The following TNFSF4 variants were observed in gnomAD, a reference collection of about 807,000 sequenced individuals.
The protein encoded by TNFSF4 is tumor necrosis factor ligand superfamily member 4.
Under a neutral mutation model 7.3 loss-of-function variants are expected in TNFSF4, and 4 were observed. The ratio of observed to expected loss-of-function variants is 0.55; its 90% CI spans 0.27 to 1.25. The LOEUF is 1.25. TNFSF4 is among the 50% of genes most tolerant of loss of function. The pLI is 0.12. For synonymous variants in TNFSF4, 76 were observed against 83.7 expected (o/e 0.91, Z 0.50); for missense variants, 181 against 208.8 (o/e 0.87, Z 0.82).
chr1:173,265,967 A>G, the TNFSF4 span, among the ~76,000 whole-genome samples: 1 of 152,206 alleles, frequency 6.6e-6, no homozygotes, highest in Non-Finnish European at 1.5e-5. Flanking sequence ...CTTAATGCTT[A>G]TGGAGTGATA....
chr1:173,210,728 G>GT (rs1172947611), upstream of TNFSF4, among the ~76,000 whole-genome samples: 1 of 152,022 alleles, frequency 6.6e-6, no homozygotes, highest in East Asian at 1.9e-4. Context: ...ATAATTCTAG[G>GT]GGGGGGAAAA....
At chr1:173,177,142 T>G in the TNFSF4 span, among the ~76,000 whole-genome samples, 2 of 152,062 alleles carry the variant, frequency 1.3e-5, no homozygotes, top group African/African-American at 4.8e-5. Context: ...TAAAAATGGT[T>G]GAAAAGGTAA....
chr1:173,216,772 AAAAC>A, the TNFSF4 span, among the ~76,000 whole-genome samples: 11 of 152,302 alleles, frequency 7.2e-5, no homozygotes, highest in East Asian at 3.9e-4. Context: ...ACACACATGA[AAAAC>A]AAACAAACAA....
chr1:173,413,184 G>A, the TNFSF4 span, among the ~76,000 whole-genome samples: 4 of 152,182 alleles, frequency 2.6e-5, no homozygotes, highest in African/African-American at 9.7e-5. Context: ...TTAGCAAGTG[G>A]AGCTGGAAAA....
the TNFSF4 span, among the ~76,000 whole-genome samples, chr1:173,250,559 A>G: frequency 2.0e-5 from 3 of 151,206 alleles, no homozygotes. Context: ...TCCCGGGTTC[A>G]CGCCATTCTC....
chr1:173,191,167 G>A (rs1367842010), intron 1 of TNFSF4, among the ~76,000 whole-genome samples: 2 of 152,118 alleles, frequency 1.3e-5, no homozygotes, highest in East Asian at 3.9e-4. Context: ...AGTAAGGGTG[G>A]CAGTGACCAA....
chr1:173,382,874 T>TCACACACACACA, the TNFSF4 span, among the ~76,000 whole-genome samples: 3 of 91,206 alleles, frequency 3.3e-5, no homozygotes, highest in East Asian at 6.5e-4. Context: ...TTTACTGTTT[T>TCACACACACACA]CACACACACA....
At chr1:173,383,685 AT>A in the TNFSF4 span, among the ~76,000 whole-genome samples, 6,795 of 151,032 alleles carry the variant, frequency 0.045, 535 homozygotes, top group African/African-American at 0.15. Context: ...CATACTGTAG[AT>A]TTTTTTTTTC....
the TNFSF4 span, among the ~76,000 whole-genome samples, chr1:173,281,061 G>C: frequency 6.6e-6 from 1 of 151,950 alleles, no homozygotes; most frequent in African/African-American, 2.4e-5. Flanking sequence ...AAAAAAATGG[G>C]GAAATATTTT....
chr1:173,181,009 T>C (rs1250337865), downstream of TNFSF4, among the ~76,000 whole-genome samples: 1 of 152,204 alleles, frequency 6.6e-6, no homozygotes, highest in Admixed American at 6.5e-5. Flanking sequence ...GATGGTTTTA[T>C]AATAGTAAGT....
At chr1:173,182,944 T>C (rs923091428), downstream of TNFSF4, among the ~76,000 whole-genome samples, 1 of 152,198 alleles carries the variant, frequency 6.6e-6, no homozygotes, top group African/African-American at 2.4e-5. Flanking sequence ...TTTGGGAAGG[T>C]TGCTGCCATG....
At chr1:173,205,622 C>T in intron 1 of TNFSF4, 2 of 1,103,494 alleles carry the variant, frequency 1.8e-6, no homozygotes, top group Non-Finnish European at 2.2e-6. Context: ...TCTCAGGGCT[C>T]CCAGACTGGT....
the TNFSF4 span, among the ~76,000 whole-genome samples, chr1:173,285,642 G>T: frequency 6.6e-6 from 1 of 152,278 alleles, no homozygotes; most frequent in East Asian, 1.9e-4. Flanking sequence ...TCAGTCAGTA[G>T]CCATCAACAT....
the TNFSF4 span, among the ~76,000 whole-genome samples, chr1:173,403,407 C>T: frequency 1.3e-5 from 2 of 152,166 alleles, no homozygotes; most frequent in African/African-American, 2.4e-5. Flanking sequence ...TAAAGGAGTT[C>T]GCCAATGTAA....
chr1:173,232,386 T>C, the TNFSF4 span, among the ~76,000 whole-genome samples: 13 of 152,224 alleles, frequency 8.5e-5, no homozygotes, highest in Non-Finnish European at 1.5e-4. Context: ...AATGGGATTT[T>C]CTAAATATAC....
At chr1:173,255,571 G>A in the TNFSF4 span, among the ~76,000 whole-genome samples, 1 of 152,118 alleles carries the variant, frequency 6.6e-6, no homozygotes, top group African/African-American at 2.4e-5. Flanking sequence ...CTTATTCTTA[G>A]CAAACAGAGT....
the TNFSF4 span, among the ~76,000 whole-genome samples, chr1:173,353,443 GTGTGTGCATGCTCC>G: frequency 6.6e-6 from 1 of 152,172 alleles, no homozygotes. Flanking sequence ...ATGTGCCTGT[GTGTGTGCATGCTCC>G]TGTGTGCGTG....
intron 1 of TNFSF4, among the ~76,000 whole-genome samples, chr1:173,190,358 T>A (rs1189519846): frequency 2.0e-5 from 3 of 152,202 alleles, no homozygotes; most frequent in African/African-American, 2.4e-5. Context: ...CACTGGTAGC[T>A]TCAGTCAAGC....
the TNFSF4 span, among the ~76,000 whole-genome samples, chr1:173,392,895 C>T: frequency 3.4e-4 from 52 of 152,142 alleles, no homozygotes; most frequent in Middle Eastern, 3.2e-3. Flanking sequence ...GGGGATTTTA[C>T]TCCAAATAAA....
Sources: gnomAD v4.1 joint callset for allele counts (sites outside exome capture counted in the v4.1 genomes callset) on GRCh38, gnomAD v4.1.1 for gene constraint, MANE v1.5 for transcripts, NCBI Gene and HGNC (gene_info 2026-07-23, HGNC 2026-07-21) for gene names.